KIF7: variants seen among roughly 807,000 people sequenced by gnomAD.
KIF7 encodes kinesin-like protein KIF7.
A neutral mutation model predicts 135.7 loss-of-function variants in KIF7; 104 were observed. The ratio of observed to expected loss-of-function variants is 0.77; its 90% CI spans 0.65 to 0.90. The LOEUF is 0.90. Among genes scored for constraint, KIF7 ranks in the 40% least tolerant of loss-of-function variants. KIF7 has a pLI of 0.00. For synonymous variants in KIF7, 883 were observed against 809.4 expected (o/e 1.09, Z -1.54); for missense variants, 2,005 against 1,839.1 (o/e 1.09, Z -1.65).
chr15:89,630,420 GC>G lies in KIF7; in HGVS notation c.3184del (p.Ala1062ProfsTer21), dbSNP rs1258692088. 6.2e-7 allele frequency: 1 copy of G among 1,605,766 alleles called. No homozygotes were observed. The highest frequency in any genetic ancestry group is 1.7e-5 in the Admixed American group (1 of 58,464). ...LDAAIEYKNE[A>X]ITCRQRVLRA... The stretch of plus-strand genomic sequence containing the variant: ...AAGCACCCGCTGGCGGCATGTGATG[GC>G]CTCATTCTTATACTCAATGGCAGCA... On this transcript the variant is annotated frameshift_variant, in exon 16 of 19. Transcript: ENST00000394412. LOFTEE classifies it high-confidence loss of function.
Position 89,631,574 on chromosome 15 carries a change from C to A in KIF7, c.3032G>T (p.Arg1011Leu). ...QQIRGEIDSL[R>L]QEKDSLLKQR... ...CTTGAGCAGCGAGTCCTTCTCCTGG[C>A]GCAGGCTGTCGATCTCCCCGCGGAT... Residue 1011 changes from arginine to leucine, a missense_variant, in exon 15 of 19, where the codon CGC becomes CTC. By Grantham distance (102) the Arg-to-Leu change is moderately radical. Transcript: ENST00000394412. 6.4e-7 allele frequency: 1 copy of A among 1,568,130 alleles called. No homozygotes were observed. The highest frequency in any genetic ancestry group is 8.7e-7 in the Non-Finnish European group (1 of 1,155,472).
Position 89,628,104 on chromosome 15 carries a change from C to A in KIF7, c.*315G>T. Reference sequence around the variant, plus strand: ...CCGACCCTTTCGTGATGATTCTTGGCCAAACCCCTGAACTACAAGCACATC... The same window carrying A: ...CCGACCCTTTCGTGATGATTCTTGGACAAACCCCTGAACTACAAGCACATC... On this transcript the variant is annotated 3_prime_UTR_variant, in exon 19 of 19. Coordinates refer to ENST00000394412, the MANE Select transcript of KIF7 (RefSeq NM_198525.3). 3.3e-6 allele frequency: 1 copy of A among 299,908 alleles called. No homozygotes were observed. The highest frequency in any genetic ancestry group is 6.1e-6 in the Non-Finnish European group (1 of 163,114). The allele number at this position is 299,908 out of a possible 1,614,324, so 18.6% of individuals were successfully genotyped here.
chr15:89,662,326 G>A, the KIF7 span, among the ~76,000 whole-genome samples: 5 of 152,066 alleles, frequency 3.3e-5, no homozygotes, highest in African/African-American at 7.2e-5. Flanking sequence ...GTGAAACCCC[G>A]TCTCTACTAA....
chr15:89,627,959 G>A (rs1250797543), downstream of KIF7: 1 of 155,014 alleles, frequency 6.5e-6, no homozygotes, highest in African/African-American at 2.4e-5. Flanking sequence ...CAAACTCTAA[G>A]TGAAAACTTC....
At chr15:89,645,573 C>T in intron 8 of KIF7, 122 bp from the exon 9 acceptor site, 2 of 826,168 alleles carry the variant, frequency 2.4e-6, no homozygotes, top group South Asian at 2.9e-5. Context: ...CAATATAAAC[C>T]CAGGATGTGA....
At position 89,634,982 on chromosome 15, in the gene KIF7, G is replaced by A. The variant is rs144300795; in HGVS notation, c.2395-1099C>T. Among the ~76,000 whole-genome samples the A allele has an allele frequency of 6.8e-3, 1,032 of 152,338 alleles. 14 individuals carry two copies. Among genetic ancestry groups the A allele is most frequent in the African/African-American group, 0.024 (1,001 of 41,568 alleles). On this transcript the variant is annotated intron_variant, in intron 11 of 18. Coordinates refer to ENST00000394412, the MANE Select transcript of KIF7 (RefSeq NM_198525.3). ...TCCCAGCACGCAGCTGGAGACCTGAGAACAGGCAGACTGCCTCCTCAAGTG... is the reference window on the plus strand; with the variant it reads ...TCCCAGCACGCAGCTGGAGACCTGAAAACAGGCAGACTGCCTCCTCAAGTG...
chr15:89,638,584 C>T (rs901342079), intron 11 of KIF7, among the ~76,000 whole-genome samples: 1 of 148,868 alleles, frequency 6.7e-6, no homozygotes, highest in African/African-American at 2.6e-5. Flanking sequence ...ATCCAACTTA[C>T]AAGGGATGTG....
downstream of KIF7, chr15:89,625,282 T>C (rs1164480286): frequency 6.2e-7 from 1 of 1,612,978 alleles, no homozygotes; most frequent in African/African-American, 1.3e-5. Context: ...TAGTACCCCC[T>C]CTCCATTTCA....
chr15:89,644,869 G>A lies in KIF7; in HGVS notation c.2191+144C>T, dbSNP rs573781395. On this transcript the variant is annotated intron_variant, in intron 10 of 18. Transcript: ENST00000394412. ...CTACTTGCTCAGGGTCACACAGCTG[G>A]AAGAGGCTGGGCTGAGTATCAAACC... is the stretch of plus-strand genomic sequence containing the variant. 10 of 1,047,396 alleles carry A rather than the reference G, an allele frequency of 9.5e-6. No homozygotes were observed. In the South Asian group the frequency reaches 1.3e-4, roughly 14 times the overall value. 64.9% of individuals were successfully genotyped at this position (1,047,396 alleles called of 1,614,324 possible).
chr15:89,650,467 C>T (rs1964106534), intron 2 of KIF7, among the ~76,000 whole-genome samples: 1 of 152,194 alleles, frequency 6.6e-6, no homozygotes, highest in African/African-American at 2.4e-5. Context: ...GATCTCGGCT[C>T]ATTGCAACCT....
rs185021882 is a variant in KIF7 at position 89,635,031 on chromosome 15, G to A, written c.2395-1148C>T. On this transcript the variant is annotated intron_variant, in intron 11 of 18. Transcript: ENST00000394412. Reference sequence around the variant, plus strand: ...TGGGTTCCTGACCCCTGACCTCCGAGCAGCCTAACTGGGAGGCACCCCCCA... The same window carrying A: ...TGGGTTCCTGACCCCTGACCTCCGAACAGCCTAACTGGGAGGCACCCCCCA... 2.5e-3 allele frequency among the ~76,000 whole-genome samples: 388 copies of A among 152,334 alleles called. 1 individual carries two copies. The highest frequency in any genetic ancestry group is 3.4e-3 in the Middle Eastern group (1 of 294).
Position 89,628,361 on chromosome 15 carries a change from A to G in KIF7, c.*58T>C, listed in dbSNP as rs1431938731. 1 of 1,546,870 alleles carries G rather than the reference A, an allele frequency of 6.5e-7. No homozygotes were observed. Among genetic ancestry groups the G allele is most frequent in the African/African-American group, 1.4e-5 (1 of 72,810 alleles). ...TGCCCTTCACAGAAGCAAAACAGGC[A>G]GCTGCCCCTTTCAGCAGGCTCGGAG... On this transcript the variant is annotated 3_prime_UTR_variant, in exon 19 of 19. Coordinates refer to ENST00000394412, the MANE Select transcript of KIF7 (RefSeq NM_198525.3).
intron 1 of KIF7, among the ~76,000 whole-genome samples, chr15:89,654,850 C>A (rs912413741): frequency 1.3e-5 from 2 of 152,258 alleles, no homozygotes; most frequent in South Asian, 2.1e-4. Context: ...AATTCAATCA[C>A]CCAGCCCCTA....
rs932033181 is a variant in KIF7 at position 89,648,401 on chromosome 15, G to T, written c.1297C>A (p.Pro433Thr). The change falls in exon 5 of 19, where the codon CCC (proline) becomes ACC (threonine). Residue 433 changes from proline (P) to threonine (T), a missense_variant. Coordinates refer to ENST00000394412, the MANE Select transcript of KIF7 (RefSeq NM_198525.3). ...CGCACCTTGCGGGCGGCGGCGCCGG[G>T]CAGCCCGGGCTCGGCCTGCAGCTCG... Reference protein sequence around the residue: ...LRELQAEPGLPGAAARKVRDW... With the variant: ...LRELQAEPGLTGAAARKVRDW... 3.4e-5 allele frequency: 39 copies of T among 1,151,452 alleles called. 1 individual carries two copies. Among genetic ancestry groups the T allele is most frequent in the East Asian group, 2.3e-4 (5 of 21,684 alleles). 71.3% of individuals were successfully genotyped at this position (1,151,452 alleles called of 1,614,324 possible).
chr15:89,654,848 C>T (rs987488596), intron 1 of KIF7, among the ~76,000 whole-genome samples: 5 of 152,260 alleles, frequency 3.3e-5, no homozygotes, highest in East Asian at 3.9e-4. Context: ...TTAATTCAAT[C>T]ACCCAGCCCC....
chr15:89,653,074 G>A lies in KIF7; in HGVS notation c.-24-120C>T, dbSNP rs1596081116. On this transcript the variant is annotated intron_variant, in intron 1 of 18. Transcript: ENST00000394412. Reference sequence around the variant, plus strand: ...GACCTTGGAGGGATTGGGGGAGGGTGGTCAAAGTTCACAATATCCCCATGT... The same window carrying A: ...GACCTTGGAGGGATTGGGGGAGGGTAGTCAAAGTTCACAATATCCCCATGT... 1.3e-5 allele frequency: 10 copies of A among 794,902 alleles called. No homozygotes were observed. In the East Asian group the frequency reaches 2.7e-4, roughly 22 times the overall value. 49.2% of individuals were successfully genotyped at this position (794,902 alleles called of 1,614,324 possible).
At chr15:89,659,457 A>AAGAAAGAAAGAAAG (rs1200630112), upstream of KIF7, among the ~76,000 whole-genome samples, 1 of 151,566 alleles carries the variant, frequency 6.6e-6, no homozygotes, top group African/African-American at 2.4e-5. Context: ...GAGAGAGAGA[A>AAGAAAGAAAGAAAG]AGAAAGAAAA....
upstream of KIF7, among the ~76,000 whole-genome samples, chr15:89,657,328 A>G (rs77534153): frequency 1.5e-4 from 19 of 127,956 alleles, 2 homozygotes; most frequent in East Asian, 1.0e-3. Context: ...AAAAAAAAAA[A>G]AGAGAGAGAG....
downstream of KIF7, chr15:89,627,117 G>C (rs572746377): frequency 6.2e-6 from 10 of 1,612,870 alleles, no homozygotes; most frequent in Admixed American, 1.5e-4. Flanking sequence ...AAAAGATCAA[G>C]GAGTCAGCCA....
Sources: allele counts gnomAD v4.1 joint callset (sites outside exome capture counted in the v4.1 genomes callset), GRCh38; gene constraint gnomAD v4.1.1; transcripts MANE v1.5; gene names NCBI Gene and HGNC (gene_info 2026-07-23, HGNC 2026-07-21).